Variants in ATP6V1C1 observed in about 807,000 individuals in gnomAD.
ATP6V1C1 encodes ATPase H+ transporting V1 subunit C1.
A neutral mutation model predicts 53.9 loss-of-function variants in ATP6V1C1; 45 were observed. The observed-to-expected ratio is 0.83, with a 90% CI of 0.66 to 1.07. The LOEUF is 1.07. Among genes scored for constraint, ATP6V1C1 ranks in the 50% least tolerant of loss-of-function variants. The pLI is 0.00. For synonymous variants in ATP6V1C1, 153 were observed against 155.2 expected (o/e 0.99, Z 0.11); for missense variants, 315 against 440.3 (o/e 0.72, Z 2.55).
At chr8:103,047,002 T>C in intron 3 of ATP6V1C1, among the ~76,000 whole-genome samples, 1 of 152,182 alleles carries the variant, frequency 6.6e-6, no homozygotes, top group Non-Finnish European at 1.5e-5. Flanking sequence ...TCGTAGCAAA[T>C]GGTTCTGTTT....
At chr8:103,051,379 G>A (rs1817196885) in intron 5 of ATP6V1C1, among the ~76,000 whole-genome samples, 2 of 152,136 alleles carry the variant, frequency 1.3e-5, no homozygotes, top group Admixed American at 1.3e-4. Flanking sequence ...CATCAACAGT[G>A]TTTAAGAAAG....
chr8:103,058,856 G>A (rs1305188125), intron 8 of ATP6V1C1, among the ~76,000 whole-genome samples: 2 of 152,200 alleles, frequency 1.3e-5, no homozygotes, highest in Non-Finnish European at 2.9e-5. Flanking sequence ...GCAGCAATGT[G>A]TATAAATGCC....
intron 12 of ATP6V1C1, 34 bp downstream of exon 12, chr8:103,066,481 G>T (rs201657717): frequency 6.6e-7 from 1 of 1,504,434 alleles, no homozygotes; most frequent in African/African-American, 1.4e-5. Context: ...AGTAAGAATT[G>T]AAGTGAATTT....
chr8:103,052,952 C>T lies in ATP6V1C1; in HGVS notation c.473+130C>T, dbSNP rs1450752177. ...TGTAATCAAAATGGTATTTCTTTTACTTCATGGAGAAAAGCTCACTAAGGT... is the reference window on the plus strand; with the variant it reads ...TGTAATCAAAATGGTATTTCTTTTATTTCATGGAGAAAAGCTCACTAAGGT... On this transcript the variant is annotated intron_variant, in intron 6 of 12. Coordinates refer to ENST00000518738, the MANE Select transcript of ATP6V1C1 (RefSeq NM_001695.5). 4 of 518,866 alleles carry T rather than the reference C, an allele frequency of 7.7e-6. No individual in the cohort carries two copies. The African/African-American group carries it at 7.9e-5, about 10-fold the overall frequency. The allele number at this position is 518,866 out of a possible 1,614,324, so 32.1% of individuals were successfully genotyped here.
At position 103,064,939 on chromosome 8, in the gene ATP6V1C1, C is replaced by T. The variant is rs1817462965; in HGVS notation, c.926+128C>T. The T allele has an allele frequency of 1.0e-5, 7 of 702,944 alleles. No homozygotes were observed. The South Asian group carries it at 1.4e-4, about 14-fold the overall frequency. The allele number at this position is 702,944 out of a possible 1,614,324, so 43.5% of individuals were successfully genotyped here. A position where few individuals can be genotyped will look rare whatever the true frequency, so the allele number is the denominator to read the frequency against. On this transcript the variant is annotated intron_variant, in intron 11 of 12. Transcript: ENST00000518738. ...AGAAATCAAAGGGCCAATCATGAGA[C>T]AGAGATTATCAGTATCATCATACAG...
chr8:103,062,200 T>G (rs1022180046), intron 8 of ATP6V1C1, among the ~76,000 whole-genome samples: 3 of 113,714 alleles, frequency 2.6e-5, no homozygotes, highest in African/African-American at 1.0e-4. Context: ...TGACAGGGAC[T>G]CACTCTGTCA....
At chr8:103,033,528 A>G (rs1816834696) in intron 1 of ATP6V1C1, among the ~76,000 whole-genome samples, 2 of 152,188 alleles carry the variant, frequency 1.3e-5, no homozygotes, top group Non-Finnish European at 1.5e-5. Flanking sequence ...AGCAAAAACT[A>G]TCATGATTTC....
At chr8:103,046,170 G>A (rs1478511106) in intron 3 of ATP6V1C1, among the ~76,000 whole-genome samples, 1 of 151,894 alleles carries the variant, frequency 6.6e-6, no homozygotes, top group Non-Finnish European at 1.5e-5. Context: ...TTAATGGGAT[G>A]TCCTGAATAT....
At chr8:103,060,458 A>G (rs556347321) in intron 8 of ATP6V1C1, among the ~76,000 whole-genome samples, 1 of 152,288 alleles carries the variant, frequency 6.6e-6, no homozygotes, top group Admixed American at 6.5e-5. Context: ...TCCCCAGTGT[A>G]TCATGTATAT....
intron 1 of ATP6V1C1, among the ~76,000 whole-genome samples, chr8:103,026,727 C>T (rs950095686): frequency 1.2e-4 from 19 of 152,126 alleles, no homozygotes; most frequent in African/African-American, 2.2e-4. Flanking sequence ...GCAGAAGAAT[C>T]GCTTAAACCC....
At chr8:103,061,767 CAGAA>C (rs1414565014) in intron 8 of ATP6V1C1, among the ~76,000 whole-genome samples, 1 of 152,182 alleles carries the variant, frequency 6.6e-6, no homozygotes, top group Non-Finnish European at 1.5e-5. Context: ...ATGTGAAAGA[CAGAA>C]AGGAGAAGAG....
At chr8:103,068,562 A>T (rs1214881951) in intron 12 of ATP6V1C1, 90 bp from the exon 13 acceptor site, 1 of 903,508 alleles carries the variant, frequency 1.1e-6, no homozygotes, top group African/African-American at 1.7e-5. Flanking sequence ...CCCAGAGTAG[A>T]TGTTCAATAA....
intron 10 of ATP6V1C1, 90 bp downstream of exon 10, chr8:103,063,318 G>T: frequency 4.7e-6 from 4 of 859,654 alleles, no homozygotes; most frequent in South Asian, 4.2e-5. Flanking sequence ...GTAAAAATCT[G>T]CTTTGGTTTT....
At chr8:103,050,550 TACA>T in intron 4 of ATP6V1C1, among the ~76,000 whole-genome samples, 1 of 152,234 alleles carries the variant, frequency 6.6e-6, no homozygotes, top group East Asian at 1.9e-4. Context: ...TTTTTAGCTC[TACA>T]TGTTTTATTC....
At chr8:103,026,937 T>C (rs1051742765) in intron 1 of ATP6V1C1, among the ~76,000 whole-genome samples, 1 of 152,242 alleles carries the variant, frequency 6.6e-6, no homozygotes, top group African/African-American at 2.4e-5. Context: ...CAAGTTGTAT[T>C]ATGAGCAAGC....
intron 1 of ATP6V1C1, among the ~76,000 whole-genome samples, chr8:103,037,889 A>G (rs1816925535): frequency 6.6e-6 from 1 of 152,210 alleles, no homozygotes; most frequent in African/African-American, 2.4e-5. Flanking sequence ...GTAAGTATAT[A>G]TAACTCTGAA....
rs1817588359 is a variant in ATP6V1C1, at chr8:103,071,619, G to GTT, written c.*2875_*2876dup. ...TGCTATTTTTGTTTTGTTTTGTTTTGTTTTGTTTTTGAGACAAGGTCTTGC... is the reference window on the plus strand; with the variant it reads ...TGCTATTTTTGTTTTGTTTTGTTTTGTTTTTTGTTTTTGAGACAAGGTCTTGC... On this transcript the variant is annotated 3_prime_UTR_variant, in exon 13 of 13. Transcript: ENST00000518738. 2.0e-5 allele frequency: 3 copies of GTT among 152,464 alleles called. No homozygotes were observed. The highest frequency in any genetic ancestry group is 1.3e-4 in the Admixed American group (2 of 15,276). 9.4% of individuals were successfully genotyped at this position (152,464 alleles called of 1,614,324 possible). A position where few individuals can be genotyped will look rare whatever the true frequency, so the allele number is the denominator to read the frequency against.
intron 1 of ATP6V1C1, among the ~76,000 whole-genome samples, chr8:103,027,374 G>A (rs927313264): frequency 2.6e-5 from 4 of 152,102 alleles, no homozygotes; most frequent in African/African-American, 7.2e-5. Flanking sequence ...GTTAAGTGTC[G>A]GAGCACTTAG....
intron 2 of ATP6V1C1, among the ~76,000 whole-genome samples, chr8:103,042,010 C>G (rs980414028): frequency 5.3e-5 from 8 of 152,196 alleles, no homozygotes; most frequent in African/African-American, 1.7e-4. Context: ...TACAGACCCT[C>G]TAGCGCACAT....
Sources: gnomAD v4.1 joint callset for allele counts (sites outside exome capture counted in the v4.1 genomes callset) on GRCh38, gnomAD v4.1.1 for gene constraint, MANE v1.5 for transcripts, NCBI Gene and HGNC (gene_info 2026-07-23, HGNC 2026-07-21) for gene names.